NLGN1: variants seen among roughly 807,000 people sequenced by gnomAD.
NLGN1 encodes neuroligin-1.
A neutral mutation model predicts 65.5 loss-of-function variants in NLGN1; 12 were observed. The ratio of observed to expected loss-of-function variants is 0.18; its 90% CI spans 0.12 to 0.30. NLGN1 has a LOEUF of 0.30. Ranked by LOEUF, NLGN1 falls within the 10% of genes least tolerant of loss-of-function variation. The pLI, the probability that NLGN1 is intolerant of heterozygous loss-of-function variation, is 1.00. For missense variants in NLGN1, 750 were observed against 1,007.1 expected, an observed-to-expected ratio of 0.74 and a Z score of 3.46; for synonymous variants, 350 against 359.5, an observed-to-expected ratio of 0.97 and a Z score of 0.30.
At chr3:174,263,569 A>G (rs1577671284) in intron 4 of NLGN1, among the ~76,000 whole-genome samples, 1 of 151,918 alleles carries the variant, frequency 6.6e-6, no homozygotes, top group Non-Finnish European at 1.5e-5. Context: ...TATTGAGCCT[A>G]TGTGTGTCTC....
intron 2 of NLGN1, among the ~76,000 whole-genome samples, chr3:173,589,921 A>G (rs898006842): frequency 6.6e-6 from 1 of 152,194 alleles, no homozygotes; most frequent in African/African-American, 2.4e-5. Context: ...TCATATTGTC[A>G]TATGGAATAC....
At chr3:174,201,833 C>T (rs1340578875) in intron 4 of NLGN1, among the ~76,000 whole-genome samples, 1 of 152,102 alleles carries the variant, frequency 6.6e-6, no homozygotes, top group Non-Finnish European at 1.5e-5. Context: ...GCACTTATTT[C>T]CCTCTCACCA....
At chr3:173,889,545 C>T (rs569746667) in intron 4 of NLGN1, among the ~76,000 whole-genome samples, 8 of 151,982 alleles carry the variant, frequency 5.3e-5, no homozygotes, top group Non-Finnish European at 5.9e-5. Flanking sequence ...AAAAGAATCC[C>T]GTTGTCAAGA....
the NLGN1 span, among the ~76,000 whole-genome samples, chr3:174,291,784 A>G: frequency 6.6e-6 from 1 of 151,206 alleles, no homozygotes; most frequent in South Asian, 2.1e-4. Flanking sequence ...GAAGGGTGAC[A>G]TGGATATAAG....
At chr3:173,447,624 G>A (rs1720633477) in intron 2 of NLGN1, among the ~76,000 whole-genome samples, 1 of 152,084 alleles carries the variant, frequency 6.6e-6, no homozygotes, top group African/African-American at 2.4e-5. Context: ...GATGGGGATG[G>A]CATTGAATCT....
chr3:173,668,365 A>G (rs1389950618), intron 3 of NLGN1, among the ~76,000 whole-genome samples: 1 of 152,142 alleles, frequency 6.6e-6, no homozygotes, highest in Non-Finnish European at 1.5e-5. Flanking sequence ...CACAAACCAA[A>G]ATGCGTGCAT....
intron 4 of NLGN1, among the ~76,000 whole-genome samples, chr3:174,224,891 G>A (rs1390754408): frequency 6.6e-6 from 1 of 152,132 alleles, no homozygotes; most frequent in Non-Finnish European, 1.5e-5. Context: ...AACACACTCA[G>A]TTTAGAGATA....
chr3:173,957,649 T>A (rs1712428448), intron 4 of NLGN1, among the ~76,000 whole-genome samples: 1 of 152,210 alleles, frequency 6.6e-6, no homozygotes, highest in Non-Finnish European at 1.5e-5. Context: ...AAATGCTATG[T>A]GCTCCTTACG....
intron 2 of NLGN1, among the ~76,000 whole-genome samples, chr3:173,486,788 T>A (rs904840538): frequency 2.6e-5 from 4 of 152,212 alleles, no homozygotes; most frequent in African/African-American, 9.6e-5. Flanking sequence ...TTATCATCTT[T>A]ATTGTAACTA....
chr3:173,732,289 C>T (rs1772979358), intron 3 of NLGN1, among the ~76,000 whole-genome samples: 1 of 152,082 alleles, frequency 6.6e-6, no homozygotes, highest in African/African-American at 2.4e-5. Context: ...CAGTGTGAGG[C>T]TTACATTGAA....
intron 1 of NLGN1, among the ~76,000 whole-genome samples, chr3:173,415,622 G>C (rs1024285533): frequency 1.3e-5 from 2 of 152,092 alleles, no homozygotes; most frequent in Non-Finnish European, 1.5e-5. Context: ...TGCCTGTTTC[G>C]TAGAGTAGTA....
chr3:173,811,441 G>A (rs1479548213), intron 4 of NLGN1, among the ~76,000 whole-genome samples: 2 of 151,810 alleles, frequency 1.3e-5, no homozygotes, highest in Non-Finnish European at 2.9e-5. Context: ...GTGGGTGCCT[G>A]TAATCACAGC....
At chr3:173,951,457 CT>C (rs67595515) in intron 4 of NLGN1, among the ~76,000 whole-genome samples, 449 of 142,500 alleles carry the variant, frequency 3.2e-3, no homozygotes, top group African/African-American at 8.0e-3. Flanking sequence ...AGGTATCATT[CT>C]TTTTTTTTTT....
At chr3:173,410,320 C>A (rs77407741) in intron 1 of NLGN1, among the ~76,000 whole-genome samples, 4,935 of 152,266 alleles carry the variant, frequency 0.032, 230 homozygotes, top group African/African-American at 0.11. Context: ...CATACATAAA[C>A]ACGGACACAC....
At chr3:174,014,574 C>G (rs971504555) in intron 4 of NLGN1, among the ~76,000 whole-genome samples, 1 of 152,180 alleles carries the variant, frequency 6.6e-6, no homozygotes, top group Non-Finnish European at 1.5e-5. Context: ...TTATATTGCA[C>G]TCTTTGCATG....
chr3:174,051,058 C>G (rs1196081265), intron 4 of NLGN1, among the ~76,000 whole-genome samples: 1 of 152,094 alleles, frequency 6.6e-6, no homozygotes, highest in Non-Finnish European at 1.5e-5. Context: ...TCCCTAAATT[C>G]TGGTTCTACT....
chr3:173,974,601 T>G (rs975477583), intron 4 of NLGN1, among the ~76,000 whole-genome samples: 12 of 152,030 alleles, frequency 7.9e-5, no homozygotes, highest in African/African-American at 2.4e-4. Context: ...TAGAAACATA[T>G]GAATAAAATA....
intron 2 of NLGN1, among the ~76,000 whole-genome samples, chr3:173,494,696 T>G (rs1182128036): frequency 6.6e-6 from 1 of 151,828 alleles, no homozygotes; most frequent in Non-Finnish European, 1.5e-5. Flanking sequence ...TTTGAATTAT[T>G]TTTATGCATG....
At chr3:173,833,719 T>C (rs1027428675) in intron 4 of NLGN1, among the ~76,000 whole-genome samples, 2 of 152,140 alleles carry the variant, frequency 1.3e-5, no homozygotes, top group African/African-American at 4.8e-5. Flanking sequence ...AGTTTTGCCA[T>C]GTTGTCCAGG....
Sources: gnomAD v4.1 joint callset for allele counts (sites outside exome capture counted in the v4.1 genomes callset) on GRCh38, gnomAD v4.1.1 for gene constraint, MANE v1.5 for transcripts, NCBI Gene and HGNC (gene_info 2026-07-23, HGNC 2026-07-21) for gene names.